Variants in ISY1 observed in about 807,000 individuals in gnomAD.
ISY1 encodes ISY1 spliceosome associated protein, also known as pre-mRNA-splicing factor ISY1 homolog.
Under a neutral mutation model 54.4 loss-of-function variants are expected in ISY1, and 12 were observed. The observed-to-expected ratio is 0.22, with a 90% CI of 0.14 to 0.36. ISY1 has a LOEUF of 0.36. ISY1 is among the 10% of genes least tolerant of loss of function. The pLI is 1.00. For missense variants in ISY1, 282 were observed against 342.2 expected, an observed-to-expected ratio of 0.82 and a Z score of 1.39; for synonymous variants, 96 against 117.9, an observed-to-expected ratio of 0.81 and a Z score of 1.20.
chr3:129,142,153 T>A (rs1936637672), intron 6 of ISY1, among the ~76,000 whole-genome samples: 1 of 146,480 alleles, frequency 6.8e-6, no homozygotes, highest in African/African-American at 2.5e-5. Context: ...TAGGGTGAGC[T>A]GAGATCGCAC....
intron 7 of ISY1, among the ~76,000 whole-genome samples, chr3:129,135,646 A>G (rs541070537): frequency 6.6e-6 from 1 of 151,622 alleles, no homozygotes; most frequent in African/African-American, 2.4e-5. Context: ...GGCCCCTGTA[A>G]TCCCAGCTAC....
intron 9 of ISY1, among the ~76,000 whole-genome samples, chr3:129,133,647 T>C (rs1048226346): frequency 2.6e-5 from 4 of 152,164 alleles, no homozygotes; most frequent in African/African-American, 9.7e-5. Context: ...TGAGCCAAGA[T>C]TGTGCCACTG....
intron 5 of ISY1, among the ~76,000 whole-genome samples, chr3:129,153,087 G>A (rs1937026361): frequency 6.8e-6 from 1 of 147,552 alleles, no homozygotes; most frequent in Non-Finnish European, 1.5e-5. Flanking sequence ...TTGGCTCACT[G>A]CAACCTCTGC....
intron 1 of ISY1, 44 bp downstream of exon 1, chr3:129,160,929 C>A: frequency 4.7e-6 from 2 of 424,786 alleles, no homozygotes; most frequent in Non-Finnish European, 4.7e-6. Flanking sequence ...CCCCCCCGCC[C>A]GCCCGCCCAT....
intron 5 of ISY1, among the ~76,000 whole-genome samples, chr3:129,154,479 A>G: frequency 6.6e-6 from 1 of 150,472 alleles, no homozygotes; most frequent in Admixed American, 6.6e-5. Flanking sequence ...ACTTCTCTTA[A>G]GTGAGCTTTG....
Position 129,134,067 on chromosome 3 carries a change from C to T in ISY1, c.663+7G>A. The T allele has an allele frequency of 6.2e-7, 1 of 1,614,020 alleles. No individual in the cohort carries two copies. The highest frequency in any genetic ancestry group is 8.5e-7 in the Non-Finnish European group (1 of 1,179,992). On this transcript the variant is annotated splice_region_variant and intron_variant, in intron 9 of 10. Coordinates refer to ENST00000393295, the MANE Select transcript of ISY1 (RefSeq NM_020701.4). The stretch of plus-strand genomic sequence containing the variant: ...CAGTGAGTGCCAGAGGGGGCCAACC[C>T]CAATACCTCCTCCTCGGTGACTGCA...
intron 5 of ISY1, among the ~76,000 whole-genome samples, chr3:129,156,179 G>A (rs968104945): frequency 1.3e-5 from 2 of 151,906 alleles, no homozygotes; most frequent in African/African-American, 4.8e-5. Flanking sequence ...CGGGCGAATT[G>A]CAAGGTCAGG....
intron 7 of ISY1, 151 bp from the exon 8 acceptor site, chr3:129,135,105 T>G: frequency 4.6e-6 from 5 of 1,088,838 alleles, no homozygotes; most frequent in East Asian, 3.8e-5. Flanking sequence ...TCCTAGCGCT[T>G]TGGGAGGCCC....
intron 5 of ISY1, among the ~76,000 whole-genome samples, chr3:129,150,195 C>A (rs1307967563): frequency 1.3e-5 from 2 of 152,024 alleles, no homozygotes; most frequent in Non-Finnish European, 2.9e-5. Flanking sequence ...CTTTGCCTTT[C>A]CAATTAAATT....
At chr3:129,160,664 C>A (rs890175132) in intron 1 of ISY1, among the ~76,000 whole-genome samples, 2 of 152,132 alleles carry the variant, frequency 1.3e-5, no homozygotes, top group Non-Finnish European at 2.9e-5. Context: ...ACAGCCGGCC[C>A]ACACTATGCA....
Position 129,129,024 on chromosome 3 carries a change from C to T in ISY1, c.*1057G>A, listed in dbSNP as rs1936168416. 1 of 152,344 alleles carries T rather than the reference C, an allele frequency of 6.6e-6. No homozygotes were observed. The highest frequency in any genetic ancestry group is 2.4e-5 in the African/African-American group (1 of 41,448). The allele number at this position is 152,344 out of a possible 1,614,324, so 9.4% of individuals were successfully genotyped here. A position where few individuals can be genotyped will look rare whatever the true frequency, so the allele number is the denominator to read the frequency against. On this transcript the variant is annotated 3_prime_UTR_variant, in exon 11 of 11. Coordinates refer to ENST00000393295, the MANE Select transcript of ISY1 (RefSeq NM_020701.4). ...GCCATGGTGGGTCGGCTCACTCCCACCTAGACTCCTGGGATCTGGTCCTGT... is the reference window on the plus strand; with the variant it reads ...GCCATGGTGGGTCGGCTCACTCCCATCTAGACTCCTGGGATCTGGTCCTGT...
chr3:129,149,707 C>T (rs1342830770), intron 5 of ISY1, among the ~76,000 whole-genome samples: 8 of 126,110 alleles, frequency 6.3e-5, no homozygotes, highest in Admixed American at 5.6e-4. Context: ...CTGAGGCAGG[C>T]GAATCGCTTA....
chr3:129,134,318 C>T, intron 8 of ISY1, 123 bp from the exon 9 acceptor site: 1 of 1,524,206 alleles, frequency 6.6e-7, no homozygotes. Context: ...GGACACCCTT[C>T]ATTCTGCCCC....
In ISY1 at chr3:129,130,066, A is replaced by C; in HGVS notation, c.*15T>G. 1.3e-6 allele frequency: 2 copies of C among 1,560,696 alleles called. No individual in the cohort carries two copies. The highest frequency in any genetic ancestry group is 2.4e-5 in the South Asian group (2 of 82,048). On this transcript the variant is annotated 3_prime_UTR_variant, in exon 11 of 11. Coordinates refer to ENST00000393295, the MANE Select transcript of ISY1 (RefSeq NM_020701.4). ...TGGGGGATGGAAGAACTCCAAGGAG[A>C]GCCCCAGCTGGGTCCTAATACCCCA...
chr3:129,155,838 C>T (rs2107619685), intron 5 of ISY1, among the ~76,000 whole-genome samples: 1 of 152,028 alleles, frequency 6.6e-6, no homozygotes, highest in South Asian at 2.1e-4. Flanking sequence ...TCTCCTGCCT[C>T]AGCCTCCCAA....
At chr3:129,133,979 C>T (rs1157867320) in intron 9 of ISY1, 95 bp downstream of exon 9, 3 of 1,573,836 alleles carry the variant, frequency 1.9e-6, no homozygotes, top group African/African-American at 1.3e-5. Context: ...GGCTGTGAAC[C>T]CTGACTCTGT....
chr3:129,144,047 C>A, intron 6 of ISY1: 1 of 261,162 alleles, frequency 3.8e-6, no homozygotes, highest in Non-Finnish European at 8.1e-6. Flanking sequence ...CTTAACATTT[C>A]ACATACGAAT....
chr3:129,135,782 A>C (rs571416069), intron 7 of ISY1, among the ~76,000 whole-genome samples: 5 of 151,980 alleles, frequency 3.3e-5, no homozygotes. Context: ...AAAAAAACAA[A>C]AACCAAACAC....
chr3:129,154,910 G>C (rs1036094614), intron 5 of ISY1, among the ~76,000 whole-genome samples: 1 of 151,288 alleles, frequency 6.6e-6, no homozygotes, highest in East Asian at 2.0e-4. Context: ...GGATGGTCTC[G>C]ATCTCCTGAC....
Sources: gnomAD v4.1 joint callset for allele counts (sites outside exome capture counted in the v4.1 genomes callset) on GRCh38, gnomAD v4.1.1 for gene constraint, MANE v1.5 for transcripts, NCBI Gene and HGNC (gene_info 2026-07-23, HGNC 2026-07-21) for gene names.